TG: variants seen among roughly 807,000 people sequenced by gnomAD.
The protein encoded by TG is thyroid hormones.
In TG, 270 loss-of-function variants were observed where a neutral mutation model predicts 324.7. That is an observed-to-expected ratio of 0.83 (90% CI 0.75 to 0.92). The LOEUF is 0.92. Among genes scored for constraint, TG ranks in the 40% least tolerant of loss-of-function variants. TG has a pLI of 0.00. For synonymous variants in TG, 1,401 were observed against 1,327.0 expected (o/e 1.06, Z -1.21); for missense variants, 3,591 against 3,456.4 (o/e 1.04, Z -0.98).
At position 132,941,334 on chromosome 8, in the gene TG, T is replaced by G; in HGVS notation, c.5042-17T>G. ...TGTTTTGAGGTCTTTTAAAATTTTG[T>G]TCTGCCTTTCCCCCAGGCCAAGGAT... On this transcript the variant is annotated splice_polypyrimidine_tract_variant and intron_variant, in intron 25 of 47. Transcript: ENST00000220616. 6.2e-7 allele frequency: 1 copy of G among 1,614,216 alleles called. No individual in the cohort carries two copies. Among genetic ancestry groups the G allele is most frequent in the Non-Finnish European group, 8.5e-7 (1 of 1,180,034 alleles).
intron 37 of TG, among the ~76,000 whole-genome samples, chr8:133,016,534 C>G (rs568598678): frequency 6.6e-6 from 1 of 152,228 alleles, no homozygotes; most frequent in Non-Finnish European, 1.5e-5. Context: ...CCTCCTCTCC[C>G]CACTGTCTTG....
intron 44 of TG, among the ~76,000 whole-genome samples, chr8:133,115,820 G>T (rs972780050): frequency 2.0e-5 from 3 of 152,212 alleles, no homozygotes; most frequent in Non-Finnish European, 2.9e-5. Context: ...GTCAGCACAC[G>T]CAGGGCCCCA....
rs772048773 is a variant in TG at position 132,901,458 on chromosome 8, A to C, written c.3539A>C (p.Gln1180Pro). The C allele has an allele frequency of 6.2e-7, 1 of 1,614,186 alleles. No homozygotes were observed. Residue 1180 changes from glutamine (Q) to proline (P), a missense_variant, in exon 16 of 48, where the codon CAA (glutamine) becomes CCA (proline). Physicochemically the swap from Gln to Pro is moderately conservative, Grantham distance 76. Coordinates refer to ENST00000220616, the MANE Select transcript of TG (RefSeq NM_003235.5). ...GAGGATGGGGGCTTTTCCCCAGTGC[A>C]ATGTGACCAGGCCCAGGGCAGCTGC... Reference protein sequence around the residue: ...RAEDGGFSPVQCDQAQGSCWC... With the variant: ...RAEDGGFSPVPCDQAQGSCWC...
rs772751614 is a variant in TG at position 133,050,847 on chromosome 8, G to A, written c.7239+20824G>A. 48 of 1,612,784 alleles carry A rather than the reference G, an allele frequency of 3.0e-5. 1 individual carries two copies. The Admixed American group carries it at 4.0e-4, about 13-fold the overall frequency. On this transcript the variant is annotated intron_variant, in intron 41 of 47. Transcript: ENST00000220616. Reference sequence around the variant, plus strand: ...ATCACACGCAGTTTCTCCCCTCGGCGGAATATCGGGGGGCTGATGTCAGGA... The same window carrying A: ...ATCACACGCAGTTTCTCCCCTCGGCAGAATATCGGGGGGCTGATGTCAGGA...
At chr8:133,053,353 A>T (rs1355532764) in intron 41 of TG, among the ~76,000 whole-genome samples, 2 of 152,206 alleles carry the variant, frequency 1.3e-5, no homozygotes, top group Non-Finnish European at 2.9e-5. Flanking sequence ...CTGTGTCTGT[A>T]GCCTGTGCCA....
At chr8:132,912,441 A>G (rs749123586) in intron 19 of TG, among the ~76,000 whole-genome samples, 11 of 152,116 alleles carry the variant, frequency 7.2e-5, no homozygotes, top group South Asian at 2.1e-4. Flanking sequence ...AATGTTTGCT[A>G]TGTGCACGGA....
chr8:133,079,886 C>A (rs985699168), intron 41 of TG, among the ~76,000 whole-genome samples: 1 of 151,750 alleles, frequency 6.6e-6, no homozygotes, highest in Admixed American at 6.6e-5. Context: ...AACCATATGA[C>A]CTTCAAGATC....
intron 35 of TG, among the ~76,000 whole-genome samples, chr8:133,000,409 T>G (rs1390254433): frequency 3.9e-5 from 6 of 152,160 alleles, no homozygotes; most frequent in Admixed American, 2.6e-4. Context: ...GCTTTACGGT[T>G]CAGGTGGTAA....
chr8:132,889,302 A>G (rs1437977076), intron 10 of TG, among the ~76,000 whole-genome samples: 1 of 152,230 alleles, frequency 6.6e-6, no homozygotes, highest in East Asian at 1.9e-4. Flanking sequence ...TGCTAATATT[A>G]TAGGTGATAT....
intron 1 of TG, among the ~76,000 whole-genome samples, chr8:132,867,619 G>A (rs1039493707): frequency 1.3e-5 from 2 of 150,900 alleles, no homozygotes; most frequent in African/African-American, 4.9e-5. Flanking sequence ...TGTTACAAGA[G>A]TTCTCAATGG....
intron 36 of TG, 132 bp from the exon 37 acceptor site, chr8:133,013,468 T>A: frequency 1.8e-6 from 2 of 1,092,068 alleles, no homozygotes; most frequent in Non-Finnish European, 2.8e-6. Flanking sequence ...GATTCATGGA[T>A]GCATGATTGG....
rs145688899 is a variant in TG at position 132,978,382 on chromosome 8, C to A, written c.6200-4968C>A. Among the ~76,000 whole-genome samples the A allele has an allele frequency of 3.8e-3, 583 of 152,306 alleles. 5 individuals carry two copies. Among genetic ancestry groups the A allele is most frequent in the African/African-American group, 0.014 (562 of 41,558 alleles). The stretch of plus-strand genomic sequence containing the variant: ...ACCCAAACACCTCCCACCAGGATCA[C>A]CTCCAACACTGGAGGTCACATTTCA... On this transcript the variant is annotated intron_variant, in intron 34 of 47. Transcript: ENST00000220616.
chr8:133,047,260 A>T (rs1839592272), intron 41 of TG: 2 of 152,386 alleles, frequency 1.3e-5, no homozygotes, highest in Non-Finnish European at 2.9e-5. Flanking sequence ...TTGTAATGCT[A>T]GTGATGATGG....
At chr8:133,025,823 A>G (rs925531538) in intron 40 of TG, among the ~76,000 whole-genome samples, 1 of 152,158 alleles carries the variant, frequency 6.6e-6, no homozygotes, top group African/African-American at 2.4e-5. Flanking sequence ...TCAGCCTAGG[A>G]TTCTGCAGGG....
At chr8:132,970,937 C>A (rs955513192) in intron 32 of TG, among the ~76,000 whole-genome samples, 11 of 152,092 alleles carry the variant, frequency 7.2e-5, no homozygotes, top group African/African-American at 2.7e-4. Flanking sequence ...GGAGATGCTG[C>A]CCAGCAGGTA....
At chr8:133,130,073 C>T (rs976997921) in intron 45 of TG, among the ~76,000 whole-genome samples, 47 of 152,310 alleles carry the variant, frequency 3.1e-4, no homozygotes, top group African/African-American at 1.1e-3. Context: ...TGCTAAACCT[C>T]GTTCAGCATC....
At position 132,947,935 on chromosome 8, in the gene TG, C is replaced by T. The variant is rs368986958; in HGVS notation, c.5234-841C>T. Among the ~76,000 whole-genome samples the T allele has an allele frequency of 2.1e-3, 314 of 152,326 alleles. 1 individual carries two copies. The highest frequency in any genetic ancestry group is 7.4e-3 in the African/African-American group (306 of 41,584). On this transcript the variant is annotated intron_variant, in intron 26 of 47. Transcript: ENST00000220616. ...AAATTCGATTACCTTGGGAGTAGGT[C>T]TTTCTGATGCTAAACAAAGTCATAA...
chr8:132,996,672 C>G (rs966950000), intron 35 of TG, among the ~76,000 whole-genome samples: 2 of 152,104 alleles, frequency 1.3e-5, no homozygotes, highest in African/African-American at 4.8e-5. Context: ...ATTAGTGGAA[C>G]AGTAAACATA....
chr8:133,115,857 C>A (rs769870457), intron 44 of TG, among the ~76,000 whole-genome samples: 6 of 152,198 alleles, frequency 3.9e-5, no homozygotes, highest in Non-Finnish European at 8.8e-5. Context: ...CTTCTGAAAT[C>A]GATTCATGCT....
Sources: gnomAD v4.1 joint callset for allele counts (sites outside exome capture counted in the v4.1 genomes callset) on GRCh38, gnomAD v4.1.1 for gene constraint, MANE v1.5 for transcripts, NCBI Gene and HGNC (gene_info 2026-07-23, HGNC 2026-07-21) for gene names.